GABRA4: variants seen among roughly 807,000 people sequenced by gnomAD.
GABRA4 encodes gamma-aminobutyric acid receptor subunit alpha-4.
In GABRA4, 12 loss-of-function variants were observed where a neutral mutation model predicts 49.7. That is an observed-to-expected ratio of 0.24 (90% CI 0.15 to 0.39). GABRA4 has a LOEUF of 0.39. Ranked by LOEUF, GABRA4 falls within the 10% of genes least tolerant of loss-of-function variation. GABRA4 has a pLI of 1.00. For missense variants in GABRA4, 506 were observed against 686.0 expected (o/e 0.74, Z 2.93); for synonymous variants, 288 against 240.2 (o/e 1.20, Z -1.84).
At chr4:46,949,498 G>T (rs1247195362) in intron 8 of GABRA4, among the ~76,000 whole-genome samples, 4 of 152,024 alleles carry the variant, frequency 2.6e-5, no homozygotes, top group Non-Finnish European at 5.9e-5. Context: ...TCCAGCAATT[G>T]CAGGCAAATA....
At chr4:46,967,101 A>G (rs1367123533) in intron 7 of GABRA4, among the ~76,000 whole-genome samples, 2 of 151,724 alleles carry the variant, frequency 1.3e-5, no homozygotes, top group African/African-American at 2.4e-5. Flanking sequence ...TTTCTTGTTC[A>G]TAACAATTTA....
chr4:46,959,876 A>G (rs914812401), intron 8 of GABRA4, among the ~76,000 whole-genome samples: 2 of 149,848 alleles, frequency 1.3e-5, no homozygotes, highest in African/African-American at 4.9e-5. Context: ...GTGTGTCTCC[A>G]AAACTGGAAT....
rs145390789 is a variant in GABRA4, at chr4:46,956,273, G to A, written c.1134+8697C>T. Among the ~76,000 whole-genome samples, 371 of 151,984 alleles carry A rather than the reference G, an allele frequency of 2.4e-3. 1 individual carries two copies. Among genetic ancestry groups the A allele is most frequent in the Non-Finnish European group, 3.3e-3 (226 of 67,952 alleles). The stretch of plus-strand genomic sequence containing the variant: ...ACACCTAAATGTCAGATGAATTGTC[G>A]GTACTGCCTCATGTCCCTTTTCAAA... On this transcript the variant is annotated intron_variant, in intron 8 of 8. Transcript: ENST00000264318.
chr4:46,977,224 G>A, intron 4 of GABRA4, 81 bp from the exon 5 acceptor site: 1 of 859,960 alleles, frequency 1.2e-6, no homozygotes, highest in East Asian at 3.3e-5. Context: ...AGGAAGGAAG[G>A]GAGGGAAGGA....
In GABRA4 at chr4:46,921,217, C is replaced by G. The variant is rs531781309; in HGVS notation, c.*7008G>C. The G allele has an allele frequency of 6.6e-6, 1 of 150,706 alleles. No homozygotes were observed. Among genetic ancestry groups the G allele is most frequent in the Non-Finnish European group, 1.5e-5 (1 of 67,600 alleles). The allele number at this position is 150,706 out of a possible 1,614,324, so 9.3% of individuals were successfully genotyped here. On this transcript the variant is annotated 3_prime_UTR_variant, in exon 9 of 9. Transcript: ENST00000264318. Reference sequence around the variant, plus strand: ...TTTAAAAATTTTCCATTAAATGTATCGTTATCCAAAAAGAAATTAAAAACG... The same window carrying G: ...TTTAAAAATTTTCCATTAAATGTATGGTTATCCAAAAAGAAATTAAAAACG...
intron 7 of GABRA4, among the ~76,000 whole-genome samples, chr4:46,966,470 G>T (rs1223462876): frequency 6.6e-6 from 1 of 151,734 alleles, no homozygotes; most frequent in Admixed American, 6.6e-5. Context: ...CCTCAATTCA[G>T]AATTTTGTTG....
At chr4:46,942,639 A>AT (rs1255430865) in intron 8 of GABRA4, among the ~76,000 whole-genome samples, 1 of 151,816 alleles carries the variant, frequency 6.6e-6, no homozygotes, top group African/African-American at 2.4e-5. Flanking sequence ...AAAAAAAAAA[A>AT]AAAAATTATG....
rs192298862 is a variant in GABRA4 at position 46,934,118 on chromosome 4, C to T, written c.1135-5363G>A. Among the ~76,000 whole-genome samples, 109 of 152,192 alleles carry T rather than the reference C, an allele frequency of 7.2e-4. 1 individual carries two copies. Among genetic ancestry groups the T allele is most frequent in the African/African-American group, 2.4e-3 (99 of 41,534 alleles). ...ACATTCATATTACTTGCTTGAGAAGCTAATGAAGTTTAATAAAATGTAACT... is the reference window on the plus strand; with the variant it reads ...ACATTCATATTACTTGCTTGAGAAGTTAATGAAGTTTAATAAAATGTAACT... On this transcript the variant is annotated intron_variant, in intron 8 of 8. Transcript: ENST00000264318.
chr4:46,992,691 A>G (rs1054654227), intron 2 of GABRA4, 137 bp downstream of exon 2: 8 of 700,084 alleles, frequency 1.1e-5, no homozygotes, highest in Non-Finnish European at 1.8e-5. Context: ...GGTCTCACCA[A>G]GAGAGGAGAG....
At chr4:46,952,383 C>T (rs182038704) in intron 8 of GABRA4, among the ~76,000 whole-genome samples, 1 of 152,112 alleles carries the variant, frequency 6.6e-6, no homozygotes, top group Non-Finnish European at 1.5e-5. Context: ...GAAAAGCATG[C>T]CATGCCATAC....
At chr4:46,959,549 A>G (rs1175580071) in intron 8 of GABRA4, among the ~76,000 whole-genome samples, 1 of 151,888 alleles carries the variant, frequency 6.6e-6, no homozygotes, top group Non-Finnish European at 1.5e-5. Context: ...ATCAGAATGA[A>G]CTTAGCCAAT....
At position 46,928,701 on chromosome 4, in the gene GABRA4, C is replaced by T; in HGVS notation, c.1189G>A (p.Glu397Lys). 2 of 1,613,054 alleles carry T rather than the reference C, an allele frequency of 1.2e-6. No individual in the cohort carries two copies. The highest frequency in any genetic ancestry group is 1.7e-6 in the Non-Finnish European group (2 of 1,179,368). ...RKRTNALVHSESDVGNRTEVG... is the reference protein window; with the variant it reads ...RKRTNALVHSKSDVGNRTEVG... Reference sequence around the variant, plus strand: ...TCAGTTCTGTTGCCAACATCAGATTCAGAGTGAACCAAAGCATTTGTTCTT... The same window carrying T: ...TCAGTTCTGTTGCCAACATCAGATTTAGAGTGAACCAAAGCATTTGTTCTT... Residue 397 changes from glutamate to lysine, a missense_variant, in exon 9 of 9, where the codon GAA (glutamate) becomes AAA (lysine). Around this residue, in one of 5 missense-constraint regions of GABRA4, gnomAD observed 243 missense variants for 210.8 expected, o/e 1.15. Transcript: ENST00000264318.
At chr4:46,964,253 C>T (rs1722675884) in intron 8 of GABRA4, among the ~76,000 whole-genome samples, 2 of 151,640 alleles carry the variant, frequency 1.3e-5, no homozygotes, top group Admixed American at 6.6e-5. Flanking sequence ...ATGATGGTTA[C>T]CAGAGACTGG....
In GABRA4 at chr4:46,924,163, T is replaced by C. The variant is rs1377757264; in HGVS notation, c.*4062A>G. On this transcript the variant is annotated 3_prime_UTR_variant, in exon 9 of 9. Transcript: ENST00000264318. ...TTTTATCCACCTCTATCTAGATCAGTGCTATGCTGAGCAATTTTGGAGCCT... is the reference window on the plus strand; with the variant it reads ...TTTTATCCACCTCTATCTAGATCAGCGCTATGCTGAGCAATTTTGGAGCCT... 1.3e-5 allele frequency: 2 copies of C among 152,150 alleles called. No homozygotes were observed. The highest frequency in any genetic ancestry group is 1.3e-4 in the Admixed American group (2 of 15,252). 9.4% of individuals were successfully genotyped at this position (152,150 alleles called of 1,614,324 possible).
intron 6 of GABRA4, 70 bp from the exon 7 acceptor site, chr4:46,971,305 A>G (rs1722941380): frequency 1.5e-6 from 2 of 1,359,684 alleles, no homozygotes; most frequent in Non-Finnish European, 2.1e-6. Context: ...TCATAAACAT[A>G]TTTCAGACTA....
At chr4:46,956,305 A>G (rs1722358903) in intron 8 of GABRA4, among the ~76,000 whole-genome samples, 1 of 152,106 alleles carries the variant, frequency 6.6e-6, no homozygotes, top group Admixed American at 6.6e-5. Context: ...CAAACTGCCC[A>G]AAACCAAGTT....
chr4:46,960,156 T>A (rs953691156), intron 8 of GABRA4, among the ~76,000 whole-genome samples: 3 of 151,390 alleles, frequency 2.0e-5, no homozygotes, highest in African/African-American at 7.3e-5. Context: ...TCAGATCAAA[T>A]AGAATTTGAG....
chr4:46,992,900 T>C lies in GABRA4; in HGVS notation c.133A>G (p.Thr45Ala). The change falls in exon 2 of 9, where the codon ACA becomes GCA. Residue 45 changes from threonine (T) to alanine (A), a missense_variant. Transcript: ENST00000264318. ...TCCAGGATGCGGGTGAAATTTTCTG[T>C]GCACAATTTCTCCTCCTTTTGGTTC... ...GQNQKEEKLC[T>A]ENFTRILDSL... 1 of 1,612,904 alleles carries C rather than the reference T, an allele frequency of 6.2e-7. No homozygotes were observed. Among genetic ancestry groups the C allele is most frequent in the Non-Finnish European group, 8.5e-7 (1 of 1,179,768 alleles).
Position 46,928,625 on chromosome 4 carries a change from T to G in GABRA4, c.1265A>C (p.Lys422Thr). The change falls in exon 9 of 9, where the codon AAA becomes ACA. Residue 422 changes from lysine (K) to threonine (T), a missense_variant. Physicochemically the swap from Lys to Thr is moderately conservative, Grantham distance 78. This residue lies in a region of GABRA4 where 243 missense variants were observed against 210.8 expected (regional missense o/e 1.15). Transcript: ENST00000264318. Reference protein sequence around the residue: ...KSSTVVQESSKGTPRSYLASS... With the variant: ...KSSTVVQESSTGTPRSYLASS... The stretch of plus-strand genomic sequence containing the variant: ...AGCTAAGTAAGACCGAGGTGTGCCT[T>G]TAGAAGATTCTTGAACAACTGTGGA... The G allele has an allele frequency of 6.2e-7, 1 of 1,613,706 alleles. No individual in the cohort carries two copies. The highest frequency in any genetic ancestry group is 8.5e-7 in the Non-Finnish European group (1 of 1,179,780).
Sources: allele counts gnomAD v4.1 joint callset (sites outside exome capture counted in the v4.1 genomes callset), GRCh38; gene constraint gnomAD v4.1.1; regional missense constraint gnomAD v4.1.1; transcripts MANE v1.5; gene names NCBI Gene and HGNC (gene_info 2026-07-23, HGNC 2026-07-21).